The following ZSWIM6 variants were observed in gnomAD, a reference collection of about 807,000 sequenced individuals.
The protein encoded by ZSWIM6 is zinc finger SWIM domain-containing protein 6.
In ZSWIM6, 9 loss-of-function variants were observed where a neutral mutation model predicts 113.2. The ratio of observed to expected loss-of-function variants is 0.08; its 90% CI spans 0.05 to 0.14. ZSWIM6 has a LOEUF of 0.14. ZSWIM6 is among the 10% of genes least tolerant of loss of function. The probability of loss-of-function intolerance (pLI) is 1.00; values close to 1 mark genes in which losing one functional copy is unlikely to be tolerated. For missense variants in ZSWIM6, 1,162 were observed against 1,552.2 expected (o/e 0.75, Z 4.22); for synonymous variants, 611 against 606.5 (o/e 1.01, Z -0.11).
intron 7 of ZSWIM6, among the ~76,000 whole-genome samples, chr5:61,528,734 C>T (rs926885711): frequency 2.6e-5 from 4 of 151,934 alleles, no homozygotes; most frequent in Non-Finnish European, 5.9e-5. Flanking sequence ...ATTATAGGCA[C>T]CCACCACCAC....
At position 61,353,876 on chromosome 5, in the gene ZSWIM6, G is replaced by A. The variant is rs142862594; in HGVS notation, c.676+20928G>A. Among the ~76,000 whole-genome samples, 480 of 152,324 alleles carry A rather than the reference G, an allele frequency of 3.2e-3. 5 individuals are homozygous for A. The highest frequency in any genetic ancestry group is 4.4e-3 in the Non-Finnish European group (299 of 68,022). On this transcript the variant is annotated intron_variant, in intron 1 of 13. Coordinates refer to ENST00000252744, the MANE Select transcript of ZSWIM6 (RefSeq NM_020928.2). ...GTATAACAAGCTGTGTGAGGCAGTAGAGGTGCACACACCTCAGTTACTGGA... is the reference window on the plus strand; with the variant it reads ...GTATAACAAGCTGTGTGAGGCAGTAAAGGTGCACACACCTCAGTTACTGGA...
At chr5:61,415,382 C>G (rs1357512741) in intron 1 of ZSWIM6, among the ~76,000 whole-genome samples, 1 of 152,146 alleles carries the variant, frequency 6.6e-6, no homozygotes, top group Non-Finnish European at 1.5e-5. Context: ...CACCTGAGGT[C>G]AGGAGATCGA....
intron 1 of ZSWIM6, among the ~76,000 whole-genome samples, chr5:61,362,649 C>T (rs967780368): frequency 6.6e-6 from 1 of 152,160 alleles, no homozygotes; most frequent in South Asian, 2.1e-4. Flanking sequence ...GTGTCCCTAT[C>T]GTCTAAGGCT....
At chr5:61,529,321 A>G (rs543745274) in intron 7 of ZSWIM6, among the ~76,000 whole-genome samples, 6 of 152,352 alleles carry the variant, frequency 3.9e-5, no homozygotes, top group African/African-American at 1.4e-4. Context: ...TTTTTTTCCC[A>G]GCATTCTGCG....
At chr5:61,445,772 C>T (rs1746937385) in intron 1 of ZSWIM6, among the ~76,000 whole-genome samples, 1 of 152,008 alleles carries the variant, frequency 6.6e-6, no homozygotes, top group Non-Finnish European at 1.5e-5. Context: ...AAATTGAAAG[C>T]AAAAGTAAAT....
chr5:61,405,967 G>A (rs1579979311), intron 1 of ZSWIM6, among the ~76,000 whole-genome samples: 2 of 152,268 alleles, frequency 1.3e-5, no homozygotes, highest in East Asian at 3.9e-4. Flanking sequence ...GGTCCTGTGA[G>A]GTCTGGAGCT....
chr5:61,342,215 C>G (rs1198486869), intron 1 of ZSWIM6, among the ~76,000 whole-genome samples: 1 of 152,130 alleles, frequency 6.6e-6, no homozygotes, highest in Non-Finnish European at 1.5e-5. Context: ...CAGTTCTTCA[C>G]TGAACCAGCT....
intron 1 of ZSWIM6, among the ~76,000 whole-genome samples, chr5:61,435,164 A>G (rs1746679685): frequency 6.6e-6 from 1 of 152,224 alleles, no homozygotes; most frequent in African/African-American, 2.4e-5. Context: ...GATGTCTTAA[A>G]TACTACTTAA....
intron 2 of ZSWIM6, 37 bp downstream of exon 2, chr5:61,473,074 G>A: frequency 7.8e-7 from 1 of 1,280,408 alleles, no homozygotes; most frequent in Non-Finnish European, 1.0e-6. Context: ...TTTCCTCTCT[G>A]GATCCTTTTT....
At chr5:61,483,464 T>C (rs1407804789) in intron 2 of ZSWIM6, among the ~76,000 whole-genome samples, 1 of 152,206 alleles carries the variant, frequency 6.6e-6, no homozygotes, top group East Asian at 1.9e-4. Flanking sequence ...AATTGATGTA[T>C]TTATACATTT....
intron 1 of ZSWIM6, chr5:61,375,317 G>A (rs1745349356): frequency 6.2e-7 from 1 of 1,606,650 alleles, no homozygotes; most frequent in Non-Finnish European, 8.5e-7. Context: ...AATGAGAACT[G>A]GAAGAAAGAA....
intron 9 of ZSWIM6, among the ~76,000 whole-genome samples, chr5:61,533,880 C>T (rs1749508761): frequency 6.6e-6 from 1 of 152,226 alleles, no homozygotes. Flanking sequence ...GTGCCAGCCT[C>T]ATCATTGGCT....
chr5:61,390,594 CA>C (rs1579970690), intron 1 of ZSWIM6: 2 of 634,282 alleles, frequency 3.2e-6, no homozygotes, highest in East Asian at 6.5e-5. Context: ...AATGCTATCT[CA>C]AAAATGGTAT....
In ZSWIM6 at chr5:61,332,422, CGCGGCG is replaced by C. The variant is rs779283808; in HGVS notation, c.163_168del (p.Ala55_Ala56del). On this transcript the variant is annotated inframe_deletion, in exon 1 of 14. Transcript: ENST00000252744. The stretch of plus-strand genomic sequence containing the variant: ...GTCGGCCAGGCCCGCGGGCGGGTGG[CGCGGCG>C]GCGGCGGCGGCGTGCGGGGGCGGCG... 182 of 995,396 alleles carry C rather than the reference CGCGGCG, an allele frequency of 1.8e-4. 1 individual carries two copies. In the East Asian group the frequency reaches 2.8e-3, roughly 15 times the overall value. The allele number at this position is 995,396 out of a possible 1,614,324, so 61.7% of individuals were successfully genotyped here. A position where few individuals can be genotyped will look rare whatever the true frequency, so the allele number is the denominator to read the frequency against.
chr5:61,419,636 G>A (rs953486965), intron 1 of ZSWIM6, among the ~76,000 whole-genome samples: 3 of 152,142 alleles, frequency 2.0e-5, no homozygotes, highest in African/African-American at 7.2e-5. Flanking sequence ...CTAATATATT[G>A]AACAGCTCAG....
At chr5:61,514,997 T>C (rs1748891695) in intron 4 of ZSWIM6, among the ~76,000 whole-genome samples, 1 of 152,206 alleles carries the variant, frequency 6.6e-6, no homozygotes, top group Non-Finnish European at 1.5e-5. Flanking sequence ...TGGATCTGTA[T>C]TGTTAGAGAT....
intron 4 of ZSWIM6, among the ~76,000 whole-genome samples, chr5:61,505,973 C>T (rs1301639096): frequency 1.3e-5 from 2 of 151,772 alleles, no homozygotes; most frequent in Non-Finnish European, 2.9e-5. Flanking sequence ...GTCTCGATCT[C>T]CTGACCTCAT....
chr5:61,473,705 A>C (rs1440657740), intron 2 of ZSWIM6, among the ~76,000 whole-genome samples: 2 of 152,228 alleles, frequency 1.3e-5, no homozygotes, highest in Non-Finnish European at 2.9e-5. Flanking sequence ...AGGACAAGTA[A>C]TGTTGCCAAA....
At chr5:61,361,602 T>C (rs1413770666) in intron 1 of ZSWIM6, among the ~76,000 whole-genome samples, 1 of 152,158 alleles carries the variant, frequency 6.6e-6, no homozygotes, top group Non-Finnish European at 1.5e-5. Context: ...GACAAAGACA[T>C]TTAAAGTAGT....
Sources: gnomAD v4.1 joint callset for allele counts (sites outside exome capture counted in the v4.1 genomes callset) on GRCh38, gnomAD v4.1.1 for gene constraint, MANE v1.5 for transcripts, NCBI Gene and HGNC (gene_info 2026-07-23, HGNC 2026-07-21) for gene names.